SEMA5B: variants seen among roughly 807,000 people sequenced by gnomAD.
SEMA5B encodes the protein semaphorin-5B.
SEMA5B carries 66 observed loss-of-function variants against 135.0 expected under a neutral mutation model. The observed-to-expected ratio is 0.49, with a 90% confidence interval of 0.40 to 0.60. The LOEUF (loss-of-function observed/expected upper bound fraction) is 0.60, where lower values mean the gene tolerates loss of function less well. Among genes scored for constraint, SEMA5B ranks in the 20% least tolerant of loss-of-function variants. SEMA5B has a pLI of 0.00. For synonymous variants in SEMA5B, 690 were observed against 639.5 expected (o/e 1.08, Z -1.19); for missense variants, 1,501 against 1,566.3 (o/e 0.96, Z 0.70).
At chr3:123,018,714 A>G (rs1428540199) in intron 1 of SEMA5B, among the ~76,000 whole-genome samples, 1 of 152,148 alleles carries the variant, frequency 6.6e-6, no homozygotes, top group Non-Finnish European at 1.5e-5. Context: ...CCCAACATCC[A>G]ATTCTCCACT....
chr3:122,982,734 C>T (rs1050742036), intron 1 of SEMA5B, among the ~76,000 whole-genome samples: 1 of 152,094 alleles, frequency 6.6e-6, no homozygotes, highest in Non-Finnish European at 1.5e-5. Context: ...CACTTAGAGT[C>T]CCATGGAAAC....
intron 1 of SEMA5B, among the ~76,000 whole-genome samples, chr3:122,966,249 G>A (rs1437561530): frequency 6.6e-6 from 1 of 152,086 alleles, no homozygotes; most frequent in East Asian, 1.9e-4. Flanking sequence ...TCCTTTTTCA[G>A]CCTCCAGGAC....
intron 1 of SEMA5B, among the ~76,000 whole-genome samples, chr3:122,965,452 C>G (rs912440646): frequency 6.6e-6 from 1 of 152,218 alleles, no homozygotes; most frequent in Non-Finnish European, 1.5e-5. Context: ...CAGTGGGCAC[C>G]AATCCCTTTC....
At chr3:123,016,895 T>C (rs1458859864) in intron 1 of SEMA5B, among the ~76,000 whole-genome samples, 1 of 147,912 alleles carries the variant, frequency 6.8e-6, no homozygotes, top group Non-Finnish European at 1.5e-5. Flanking sequence ...GGTGCATTTT[T>C]TTTTTTTTTT....
chr3:122,956,246 G>A (rs935228676), intron 2 of SEMA5B, among the ~76,000 whole-genome samples: 2 of 152,224 alleles, frequency 1.3e-5, no homozygotes, highest in Admixed American at 6.5e-5. Context: ...CTTCTCTCAC[G>A]CTGCTGTCCC....
chr3:123,022,111 T>G (rs1187081318), intron 1 of SEMA5B, among the ~76,000 whole-genome samples: 3 of 152,194 alleles, frequency 2.0e-5, no homozygotes, highest in Non-Finnish European at 2.9e-5. Context: ...GGCTTTAAGA[T>G]TCTTCTGAAC....
chr3:122,913,741 C>T (rs1043571251), intron 15 of SEMA5B, 60 bp from the exon 16 acceptor site: 87 of 1,593,546 alleles, frequency 5.5e-5, no homozygotes, highest in Non-Finnish European at 6.9e-5. Context: ...GACGAGAGGT[C>T]CCTGGGAGTG....
intron 5 of SEMA5B, 115 bp downstream of exon 5, chr3:122,939,310 G>T: frequency 1.2e-6 from 1 of 803,656 alleles, no homozygotes. Context: ...AAGAACAAGT[G>T]GCTCCTGTTT....
At chr3:122,967,641 A>C (rs1940924237) in intron 1 of SEMA5B, among the ~76,000 whole-genome samples, 1 of 152,192 alleles carries the variant, frequency 6.6e-6, no homozygotes, top group African/African-American at 2.4e-5. Flanking sequence ...GGTGCCATTC[A>C]TGCTCCAGGG....
intron 1 of SEMA5B, among the ~76,000 whole-genome samples, chr3:122,966,536 T>TTTTTTATTA (rs1940829050): frequency 7.1e-6 from 1 of 141,534 alleles, no homozygotes; most frequent in African/African-American, 2.7e-5. Context: ...TGTAAGAATG[T>TTTTTTATTA]TTATTATTAT....
chr3:122,950,372 A>G (rs930297323), intron 2 of SEMA5B, among the ~76,000 whole-genome samples: 2 of 152,170 alleles, frequency 1.3e-5, no homozygotes, highest in Non-Finnish European at 2.9e-5. Flanking sequence ...GATCCTGGCA[A>G]TATCTGGCAA....
In SEMA5B at chr3:122,913,157, G is replaced by T. The variant is rs752368613; in HGVS notation, c.2506+42C>A. The T allele has an allele frequency of 6.4e-5, 95 of 1,492,512 alleles. 1 individual carries two copies. In the Admixed American group the frequency reaches 1.9e-3, roughly 30 times the overall value. 92.5% of individuals were successfully genotyped at this position (1,492,512 alleles called of 1,614,324 possible). A position where few individuals can be genotyped will look rare whatever the true frequency, so the allele number is the denominator to read the frequency against. On this transcript the variant is annotated intron_variant, in intron 17 of 22. Coordinates refer to ENST00000357599, the MANE Select transcript of SEMA5B (RefSeq NM_001031702.4). ...TCCCGCCCCCGCCCTCACCGCTCCG[G>T]GGCTGGGAGAGAGGAAGGAGGGGGC... is the stretch of plus-strand genomic sequence containing the variant.
At chr3:122,911,570 G>A (rs761440268) in intron 20 of SEMA5B, 35 bp from the exon 21 acceptor site, 25 of 1,592,166 alleles carry the variant, frequency 1.6e-5, no homozygotes, top group Middle Eastern at 4.2e-4. Flanking sequence ...TGTCAGGGGC[G>A]GAGACGAGAG....
At chr3:123,006,541 C>T (rs952603097) in intron 1 of SEMA5B, among the ~76,000 whole-genome samples, 9 of 152,316 alleles carry the variant, frequency 5.9e-5, no homozygotes, top group African/African-American at 1.9e-4. Context: ...TTCTAAGGGG[C>T]TTGCTGGTGC....
rs772457640 is a variant in SEMA5B, at chr3:122,913,224, G to C, written c.2481C>G (p.Asp827Glu). The change falls in exon 17 of 23, where the codon GAC becomes GAG. Residue 827 changes from aspartate to glutamate, a missense_variant. Asp to Glu is a conservative substitution (Grantham distance 45). Transcript: ENST00000357599. ...RRTETRTCPA[D>E]GSGSCDTDAL... is the part of the protein sequence containing the mutation. Reference sequence around the variant, plus strand: ...CGTCGGTGTCGCAGGAGCCGGAGCCGTCCGCGGGACAGGTCCTCGTCTCGG... The same window carrying C: ...CGTCGGTGTCGCAGGAGCCGGAGCCCTCCGCGGGACAGGTCCTCGTCTCGG... The C allele has an allele frequency of 2.5e-6, 4 of 1,577,978 alleles. 1 individual carries two copies. In the South Asian group the frequency reaches 3.4e-5, roughly 14 times the overall value.
At chr3:122,981,341 G>A (rs1002627470) in intron 1 of SEMA5B, among the ~76,000 whole-genome samples, 1 of 152,362 alleles carries the variant, frequency 6.6e-6, no homozygotes, top group Non-Finnish European at 1.5e-5. Flanking sequence ...ACCCCACTTT[G>A]GGAGGACTTC....
intron 1 of SEMA5B, among the ~76,000 whole-genome samples, chr3:122,998,040 A>T (rs1942070558): frequency 6.6e-6 from 1 of 152,158 alleles, no homozygotes; most frequent in African/African-American, 2.4e-5. Context: ...ACAGTGATGT[A>T]CCTGGCTGAG....
chr3:122,985,608 A>T (rs1346768960), intron 1 of SEMA5B, among the ~76,000 whole-genome samples: 1 of 152,208 alleles, frequency 6.6e-6, no homozygotes, highest in African/African-American at 2.4e-5. Flanking sequence ...TGAAGAGGTA[A>T]AAGGGGAATG....
intron 1 of SEMA5B, among the ~76,000 whole-genome samples, chr3:122,988,021 A>G (rs1285148884): frequency 6.6e-6 from 1 of 152,134 alleles, no homozygotes; most frequent in Non-Finnish European, 1.5e-5. Flanking sequence ...GATGTGCAAC[A>G]GTAGTGGTCT....
Sources: gnomAD v4.1 joint callset for allele counts (sites outside exome capture counted in the v4.1 genomes callset) on GRCh38, gnomAD v4.1.1 for gene constraint, MANE v1.5 for transcripts, NCBI Gene and HGNC (gene_info 2026-07-23, HGNC 2026-07-21) for gene names.